Variants in PIP4K2A observed in about 807,000 individuals in gnomAD.
PIP4K2A encodes phosphatidylinositol 5-phosphate 4-kinase type-2 alpha.
PIP4K2A carries 14 observed loss-of-function variants against 42.9 expected under a neutral mutation model. The ratio of observed to expected loss-of-function variants is 0.33; its 90% confidence interval spans 0.22 to 0.51. PIP4K2A has a LOEUF of 0.51. Among genes scored for constraint, PIP4K2A ranks in the 20% least tolerant of loss-of-function variants. PIP4K2A has a pLI of 0.97. For synonymous variants in PIP4K2A, 192 were observed against 192.2 expected, an observed-to-expected ratio of 1.00 and a Z score of 0.01; for missense variants, 434 against 519.8, an observed-to-expected ratio of 0.83 and a Z score of 1.61.
intron 6 of PIP4K2A, among the ~76,000 whole-genome samples, chr10:22,565,495 T>C (rs1001026349): frequency 1.6e-4 from 24 of 152,246 alleles, no homozygotes; most frequent in Non-Finnish European, 3.1e-4. Flanking sequence ...CCCTTGTGCT[T>C]TCCTATGCCT....
intron 3 of PIP4K2A, among the ~76,000 whole-genome samples, chr10:22,604,009 GCACA>G (rs10571071): frequency 0.074 from 11,018 of 149,268 alleles, 612 homozygotes; most frequent in African/African-American, 0.16. Context: ...ACGCGCGCAC[GCACA>G]CACACACACA....
At chr10:22,683,874 CAA>C (rs1564466600) in intron 1 of PIP4K2A, among the ~76,000 whole-genome samples, 2 of 146,724 alleles carry the variant, frequency 1.4e-5, no homozygotes, top group South Asian at 2.2e-4. Flanking sequence ...CACACACACA[CAA>C]TTCAAAGTGT....
chr10:22,708,389 G>A (rs1440934318), intron 1 of PIP4K2A, among the ~76,000 whole-genome samples: 2 of 152,014 alleles, frequency 1.3e-5, no homozygotes, highest in African/African-American at 4.8e-5. Flanking sequence ...CTGACTTACC[G>A]ATTCTGTACG....
At chr10:22,594,947 C>A (rs1420364094) in intron 3 of PIP4K2A, among the ~76,000 whole-genome samples, 1 of 152,150 alleles carries the variant, frequency 6.6e-6, no homozygotes, top group African/African-American at 2.4e-5. Flanking sequence ...GTAGCCCCAA[C>A]CCACACTATC....
At chr10:22,547,023 C>A (rs1270067439) in intron 7 of PIP4K2A, among the ~76,000 whole-genome samples, 1 of 152,154 alleles carries the variant, frequency 6.6e-6, no homozygotes, top group Non-Finnish European at 1.5e-5. Flanking sequence ...CAGAATATCC[C>A]TTCTCATCTA....
chr10:22,620,424 T>C (rs1308588972), intron 1 of PIP4K2A, among the ~76,000 whole-genome samples: 1 of 152,218 alleles, frequency 6.6e-6, no homozygotes, highest in African/African-American at 2.4e-5. Flanking sequence ...AGGAGACCTA[T>C]GACTGAGCCC....
At chr10:22,646,245 T>C (rs1268065710) in intron 1 of PIP4K2A, 2 of 152,316 alleles carry the variant, frequency 1.3e-5, no homozygotes, top group East Asian at 1.9e-4. Flanking sequence ...TGCCTCTCGA[T>C]GAAGACATTG....
intron 1 of PIP4K2A, among the ~76,000 whole-genome samples, chr10:22,683,870 C>A (rs1184714154): frequency 2.6e-5 from 4 of 151,036 alleles, no homozygotes; most frequent in Admixed American, 1.3e-4. Context: ...CACACACACA[C>A]ACACAATTCA....
chr10:22,612,335 T>C (rs1838065786), intron 1 of PIP4K2A, among the ~76,000 whole-genome samples: 1 of 151,984 alleles, frequency 6.6e-6, no homozygotes, highest in Non-Finnish European at 1.5e-5. Flanking sequence ...TACGAGCAAG[T>C]ATGGAAAAGG....
intron 1 of PIP4K2A, among the ~76,000 whole-genome samples, chr10:22,650,893 A>T (rs967548615): frequency 5.3e-5 from 8 of 151,186 alleles, no homozygotes; most frequent in Non-Finnish European, 1.0e-4. Flanking sequence ...GCCTGCTTCT[A>T]CATGTCCAAG....
chr10:22,585,802 G>A (rs1271903989), intron 4 of PIP4K2A, among the ~76,000 whole-genome samples: 2 of 151,998 alleles, frequency 1.3e-5, no homozygotes, highest in African/African-American at 2.4e-5. Flanking sequence ...CACTGTGTTG[G>A]CTAGGCTGGT....
chr10:22,658,862 C>A (rs181613395), intron 1 of PIP4K2A, among the ~76,000 whole-genome samples: 196 of 152,314 alleles, frequency 1.3e-3, no homozygotes, highest in Non-Finnish European at 2.4e-3. Flanking sequence ...ACGTAACTCA[C>A]CCGAGGTCAC....
chr10:22,686,004 T>C (rs1051639199), intron 1 of PIP4K2A, among the ~76,000 whole-genome samples: 2 of 152,214 alleles, frequency 1.3e-5, no homozygotes, highest in African/African-American at 2.4e-5. Flanking sequence ...CTCATTCCAA[T>C]ATTCGCCTTA....
chr10:22,706,395 G>A (rs1321671068), intron 1 of PIP4K2A, among the ~76,000 whole-genome samples: 1 of 152,120 alleles, frequency 6.6e-6, no homozygotes, highest in Non-Finnish European at 1.5e-5. Flanking sequence ...GCCATAACAA[G>A]CCAAGCAAAC....
At chr10:22,544,535 C>G (rs750675364) in intron 7 of PIP4K2A, among the ~76,000 whole-genome samples, 6 of 152,182 alleles carry the variant, frequency 3.9e-5, no homozygotes, top group Non-Finnish European at 7.4e-5. Context: ...AGGCCCTGCT[C>G]GGCTTGAGAG....
At chr10:22,565,213 A>T (rs1314987595) in intron 6 of PIP4K2A, among the ~76,000 whole-genome samples, 1 of 151,238 alleles carries the variant, frequency 6.6e-6, no homozygotes, top group Non-Finnish European at 1.5e-5. Flanking sequence ...GGATTCCCAC[A>T]CTCTTTTTTC....
chr10:22,680,365 T>C (rs1340191860), intron 1 of PIP4K2A, among the ~76,000 whole-genome samples: 1 of 152,202 alleles, frequency 6.6e-6, no homozygotes, highest in Non-Finnish European at 1.5e-5. Flanking sequence ...GTAATTTAAA[T>C]ATTGTGCTTT....
chr10:22,607,359 G>A (rs1390428625), intron 3 of PIP4K2A, among the ~76,000 whole-genome samples: 2 of 152,274 alleles, frequency 1.3e-5, no homozygotes, highest in African/African-American at 2.4e-5. Flanking sequence ...TCAAGATGAA[G>A]AGGAAGATGT....
chr10:22,626,917 A>G (rs1480241648), intron 1 of PIP4K2A, among the ~76,000 whole-genome samples: 1 of 152,208 alleles, frequency 6.6e-6, no homozygotes, highest in Non-Finnish European at 1.5e-5. Context: ...CAATTAATAT[A>G]TATCTCCTAC....
Sources: allele counts gnomAD v4.1 joint callset (sites outside exome capture counted in the v4.1 genomes callset), GRCh38; gene constraint gnomAD v4.1.1; transcripts MANE v1.5; gene names NCBI Gene and HGNC (gene_info 2026-07-23, HGNC 2026-07-21).